ITGA1: variants seen among roughly 807,000 people sequenced by gnomAD.
ITGA1 encodes the protein integrin alpha-1.
Under a neutral mutation model 145.9 loss-of-function variants are expected in ITGA1, and 85 were observed. That is an observed-to-expected ratio of 0.58 (90% CI 0.49 to 0.70). The LOEUF (loss-of-function observed/expected upper bound fraction) is 0.70. Among genes scored for constraint, ITGA1 ranks in the 30% least tolerant of loss-of-function variants. ITGA1 has a pLI of 0.00. For missense variants in ITGA1, 1,351 were observed against 1,418.7 expected, an observed-to-expected ratio of 0.95 and a Z score of 0.77; for synonymous variants, 520 against 495.3, an observed-to-expected ratio of 1.05 and a Z score of -0.66.
rs927730403 is a variant in ITGA1 at position 52,954,379 on chromosome 5, G to T, written c.*1928G>T. The T allele has an allele frequency of 3.9e-5, 6 of 152,130 alleles. No homozygotes were observed. The highest frequency in any genetic ancestry group is 1.4e-4 in the African/African-American group (6 of 41,424). 9.4% of individuals were successfully genotyped at this position (152,130 alleles called of 1,614,324 possible). ...TCATACTCAGCATCTGTGACTACTA[G>T]ACAAAGCCCATTTACTGAACCATAA... On this transcript the variant is annotated 3_prime_UTR_variant, in exon 29 of 29. Transcript: ENST00000282588.
intron 15 of ITGA1, among the ~76,000 whole-genome samples, chr5:52,916,197 C>CA (rs1750644751): frequency 2.0e-5 from 3 of 151,966 alleles, no homozygotes; most frequent in African/African-American, 7.3e-5. Context: ...ATCTCAAAAA[C>CA]TAAATATCCT....
intron 14 of ITGA1, among the ~76,000 whole-genome samples, chr5:52,915,139 T>C (rs1054575409): frequency 6.6e-6 from 1 of 152,190 alleles, no homozygotes; most frequent in African/African-American, 2.4e-5. Context: ...TATGTCTGTG[T>C]GATGGGATTG....
At chr5:52,864,735 C>G in intron 3 of ITGA1, 28 bp from the exon 4 acceptor site, 1 of 1,404,526 alleles carries the variant, frequency 7.1e-7, no homozygotes, top group Non-Finnish European at 1.0e-6. Flanking sequence ...AACTTTTCCT[C>G]CCTCATAAAA....
intron 12 of ITGA1, among the ~76,000 whole-genome samples, chr5:52,906,380 A>G (rs1035479069): frequency 1.3e-5 from 2 of 152,222 alleles, no homozygotes; most frequent in African/African-American, 2.4e-5. Context: ...TGAATGGCAA[A>G]TTAAGAGCTT....
intron 15 of ITGA1, among the ~76,000 whole-genome samples, chr5:52,916,926 T>C (rs1750656616): frequency 6.6e-6 from 1 of 152,234 alleles, no homozygotes; most frequent in Non-Finnish European, 1.5e-5. Flanking sequence ...AACTTATTTA[T>C]GGCCTCTCCT....
intron 1 of ITGA1, among the ~76,000 whole-genome samples, chr5:52,843,605 T>A (rs1316288937): frequency 6.6e-6 from 1 of 152,170 alleles, no homozygotes; most frequent in East Asian, 1.9e-4. Flanking sequence ...GTCACCTCCA[T>A]TTATCCTTTT....
intron 2 of ITGA1, among the ~76,000 whole-genome samples, chr5:52,851,170 T>C (rs887417849): frequency 6.6e-6 from 1 of 152,264 alleles, no homozygotes; most frequent in African/African-American, 2.4e-5. Flanking sequence ...AAATATTTTA[T>C]GAAATTCTCA....
At chr5:52,845,483 C>T (rs922871815) in intron 1 of ITGA1, among the ~76,000 whole-genome samples, 3 of 152,172 alleles carry the variant, frequency 2.0e-5, no homozygotes, top group Non-Finnish European at 2.9e-5. Flanking sequence ...GCATTATTCA[C>T]AAGCTCCCAG....
At position 52,933,996 on chromosome 5, in the gene ITGA1, G is replaced by A; in HGVS notation, c.2964G>A (p.Leu988=). ...DIGNEINIFY[L]IRKSGSFPMP... ...GAAATGAAATTAATATCTTCTACTT[G>A]GTAAGAAATTACCTCTAAAATAGTA... The change falls in exon 23 of 29, where the codon TTG becomes TTA. Residue 988 remains leucine (L), a splice_region_variant and synonymous_variant. Transcript: ENST00000282588. The A allele has an allele frequency of 7.7e-7, 1 of 1,295,598 alleles. No individual in the cohort carries two copies. The highest frequency in any genetic ancestry group is 1.1e-6 in the Non-Finnish European group (1 of 943,282). The allele number at this position is 1,295,598 out of a possible 1,614,324, so 80.3% of individuals were successfully genotyped here.
At chr5:52,872,814 G>A (rs1749799029) in intron 6 of ITGA1, among the ~76,000 whole-genome samples, 1 of 151,960 alleles carries the variant, frequency 6.6e-6, no homozygotes, top group Admixed American at 6.6e-5. Flanking sequence ...AATTTCAAAT[G>A]TCACTTTCTC....
chr5:52,861,479 C>A lies in ITGA1; in HGVS notation c.215C>A (p.Pro72His). 1 of 1,613,306 alleles carries A rather than the reference C, an allele frequency of 6.2e-7. No homozygotes were observed. Among genetic ancestry groups the A allele is most frequent in the Non-Finnish European group, 8.5e-7 (1 of 1,179,672 alleles). Reference sequence around the variant, plus strand: ...ATTGGTTCTCCGTTAGTTGGCCAACCCAAAAACAGAACTGGAGATGTCTAT... The same window carrying A: ...ATTGGTTCTCCGTTAGTTGGCCAACACAAAAACAGAACTGGAGATGTCTAT... ...VLIGSPLVGQ[P>H]KNRTGDVYKC... Residue 72 changes from proline to histidine, a missense_variant, in exon 3 of 29, where the codon CCC becomes CAC. Pro to His is a moderately conservative substitution (Grantham distance 77). Coordinates refer to ENST00000282588, the MANE Select transcript of ITGA1 (RefSeq NM_181501.2).
At chr5:52,893,016 A>T (rs999552939) in intron 8 of ITGA1, among the ~76,000 whole-genome samples, 6 of 152,126 alleles carry the variant, frequency 3.9e-5, no homozygotes, top group African/African-American at 1.4e-4. Flanking sequence ...CTTAAAAAAA[A>T]ACTAAATGTT....
At chr5:52,839,573 G>A (rs982124275) in intron 1 of ITGA1, among the ~76,000 whole-genome samples, 5 of 152,136 alleles carry the variant, frequency 3.3e-5, no homozygotes, top group Non-Finnish European at 7.4e-5. Flanking sequence ...TTAAAAGAAA[G>A]AACCTGAAGA....
intron 2 of ITGA1, among the ~76,000 whole-genome samples, chr5:52,854,548 T>A (rs1288825029): frequency 6.6e-6 from 1 of 152,120 alleles, no homozygotes; most frequent in Admixed American, 6.6e-5. Flanking sequence ...TAAAAAGAAA[T>A]TGGCGAGCAG....
At chr5:52,897,189 T>G (rs1048303494) in intron 9 of ITGA1, among the ~76,000 whole-genome samples, 1 of 152,112 alleles carries the variant, frequency 6.6e-6, no homozygotes. Context: ...AGTATAAGAA[T>G]GGAGATTTCT....
At chr5:52,855,816 T>C (rs930682712) in intron 2 of ITGA1, among the ~76,000 whole-genome samples, 4 of 152,144 alleles carry the variant, frequency 2.6e-5, no homozygotes, top group Non-Finnish European at 4.4e-5. Flanking sequence ...CTTTCAAGCT[T>C]GTTATTAAAA....
intron 12 of ITGA1, among the ~76,000 whole-genome samples, chr5:52,906,775 A>G (rs188233972): frequency 2.5e-4 from 38 of 152,286 alleles, no homozygotes; most frequent in Admixed American, 4.6e-4. Context: ...TCTCTAGACT[A>G]GAGGGGCAGG....
intron 19 of ITGA1, 112 bp from the exon 20 acceptor site, chr5:52,927,470 GAC>G: frequency 1.5e-6 from 1 of 664,380 alleles, no homozygotes; most frequent in Non-Finnish European, 2.6e-6. Context: ...GCTAAATCGA[GAC>G]AAAAATAGTG....
Position 52,955,873 on chromosome 5 carries a change from CAG to C in ITGA1, c.*3424_*3425del, listed in dbSNP as rs1168280143. ...TGCTTGAAAAGAGGCTTGTAGTAAA[CAG>C]ATATTTTTACAAAATTTGATGCTTC... On this transcript the variant is annotated 3_prime_UTR_variant, in exon 29 of 29. Coordinates refer to ENST00000282588, the MANE Select transcript of ITGA1 (RefSeq NM_181501.2). 1 of 151,868 alleles carries C rather than the reference CAG, an allele frequency of 6.6e-6. No homozygotes were observed. Among genetic ancestry groups the C allele is most frequent in the Admixed American group, 6.6e-5 (1 of 15,236 alleles). 9.4% of individuals were successfully genotyped at this position (151,868 alleles called of 1,614,324 possible). A position where few individuals can be genotyped will look rare whatever the true frequency, so the allele number is the denominator to read the frequency against.
Sources: gnomAD v4.1 joint callset for allele counts (sites outside exome capture counted in the v4.1 genomes callset) on GRCh38, gnomAD v4.1.1 for gene constraint, MANE v1.5 for transcripts, NCBI Gene and HGNC (gene_info 2026-07-23, HGNC 2026-07-21) for gene names.